NFASC: variants seen among roughly 807,000 people sequenced by gnomAD.
NFASC encodes neurofascin homolog.
In NFASC, 43 loss-of-function variants were observed where a neutral mutation model predicts 147.5. The observed-to-expected ratio is 0.29, with a 90% CI of 0.23 to 0.38. The LOEUF (loss-of-function observed/expected upper bound fraction) is 0.38. NFASC is among the 10% of genes least tolerant of loss of function. NFASC has a pLI of 1.00. For missense variants in NFASC, 1,320 were observed against 1,689.0 expected (o/e 0.78, Z 3.83); for synonymous variants, 622 against 665.5 (o/e 0.93, Z 1.01).
rs544686926 is a variant in NFASC, at chr1:205,014,941, C to T, written c.3492-1367C>T. ...CAGTGACTTCCGCTTCCTGCACAAACTCAGCACAGCCCCAGAGAGCTGCCT... is the reference window on the plus strand; with the variant it reads ...CAGTGACTTCCGCTTCCTGCACAAATTCAGCACAGCCCCAGAGAGCTGCCT... On this transcript the variant is annotated intron_variant, in intron 29 of 29. Coordinates refer to ENST00000339876, the MANE Select transcript of NFASC (RefSeq NM_001005388.3). Among the ~76,000 whole-genome samples, 6 of 152,288 alleles carry T rather than the reference C, an allele frequency of 3.9e-5. No individual in the cohort carries two copies. In the South Asian group the frequency reaches 1.2e-3, roughly 32 times the overall value.
intron 24 of NFASC, among the ~76,000 whole-genome samples, chr1:204,995,350 G>GTA (rs1553314755): frequency 4.2e-4 from 53 of 126,556 alleles, no homozygotes; most frequent in Middle Eastern, 3.8e-3. Context: ...GTGTGTGTGT[G>GTA]TGTATGTGTG....
chr1:204,934,901 A>T (rs1328559327), intron 2 of NFASC, among the ~76,000 whole-genome samples: 1 of 152,198 alleles, frequency 6.6e-6, no homozygotes, highest in African/African-American at 2.4e-5. Flanking sequence ...GGAGGATAGT[A>T]TGGGTGCTGG....
At chr1:204,841,240 C>T (rs908971270) in intron 1 of NFASC, among the ~76,000 whole-genome samples, 2 of 152,228 alleles carry the variant, frequency 1.3e-5, no homozygotes, top group African/African-American at 4.8e-5. Context: ...ATTCCCATTA[C>T]ACTGAGAAAA....
rs924823750 is a variant in NFASC, at chr1:205,021,282, G to A, written c.*4743G>A. On this transcript the variant is annotated 3_prime_UTR_variant, in exon 30 of 30. Coordinates refer to ENST00000339876, the MANE Select transcript of NFASC (RefSeq NM_001005388.3). ...TTCCTTACTAATAATGGGCCTTCCT[G>A]AGACACATTCAGAGAAGGATCAGAG... is the stretch of plus-strand genomic sequence containing the variant. 1 of 152,610 alleles carries A rather than the reference G, an allele frequency of 6.6e-6. No individual in the cohort carries two copies. The highest frequency in any genetic ancestry group is 1.5e-5 in the Non-Finnish European group (1 of 68,056). The allele number at this position is 152,610 out of a possible 1,614,324, so 9.5% of individuals were successfully genotyped here. A position where few individuals can be genotyped will look rare whatever the true frequency, so the allele number is the denominator to read the frequency against.
intron 1 of NFASC, among the ~76,000 whole-genome samples, chr1:204,905,205 C>G (rs993996257): frequency 6.6e-6 from 1 of 152,200 alleles, no homozygotes; most frequent in Non-Finnish European, 1.5e-5. Flanking sequence ...CTGCCTCAGC[C>G]TCCTGAGTAG....
intron 16 of NFASC, chr1:204,977,246 C>A: frequency 2.5e-6 from 1 of 392,610 alleles, no homozygotes; most frequent in Non-Finnish European, 3.7e-6. Context: ...ATGCTATGCA[C>A]TAAGCAAGAT....
intron 5 of NFASC, among the ~76,000 whole-genome samples, chr1:204,952,450 G>A (rs1366033349): frequency 6.8e-6 from 1 of 147,468 alleles, no homozygotes; most frequent in East Asian, 1.9e-4. Context: ...AAGCCAACTT[G>A]AGTCTTTCAT....
chr1:204,975,276 A>G lies in NFASC; in HGVS notation c.1564A>G (p.Thr522Ala), dbSNP rs1245601960. 1.2e-6 allele frequency: 2 copies of G among 1,611,970 alleles called. No individual in the cohort carries two copies. The highest frequency in any genetic ancestry group is 1.7e-6 in the Non-Finnish European group (2 of 1,178,828). Residue 522 changes from threonine to alanine, a missense_variant, in exon 15 of 30, where the codon ACC becomes GCC. Transcript: ENST00000339876. This position sits in a 1 kb window ranked among gnomAD's most constrained non-coding sequence, Gnocchi z 4.0. ...NQVRLEVKDP[T>A]RIYRMPEDQV... ...TGCTCTGGGCTTCTCCACAGACCCC[A>G]CCAGGATCTACCGGATGCCCGAGGA...
At chr1:204,859,090 A>G (rs2076440449) in intron 1 of NFASC, among the ~76,000 whole-genome samples, 1 of 149,698 alleles carries the variant, frequency 6.7e-6, no homozygotes, top group African/African-American at 2.5e-5. Context: ...CGATTCTCCT[A>G]CCTCAGTCTC....
chr1:204,882,311 C>G (rs2080416165), intron 1 of NFASC, among the ~76,000 whole-genome samples: 1 of 152,182 alleles, frequency 6.6e-6, no homozygotes. Flanking sequence ...CTGGCCCTCC[C>G]TACCCTGCCC....
chr1:204,969,498 C>CGT (rs1471409769), intron 10 of NFASC, among the ~76,000 whole-genome samples: 1 of 152,166 alleles, frequency 6.6e-6, no homozygotes, highest in Non-Finnish European at 1.5e-5. Context: ...GGGTCCCCAC[C>CGT]GTGTGTGGCA....
At chr1:204,957,317 T>C (rs1292348047) in intron 7 of NFASC, among the ~76,000 whole-genome samples, 1 of 152,228 alleles carries the variant, frequency 6.6e-6, no homozygotes, top group African/African-American at 2.4e-5. Flanking sequence ...TGAAGGTTTG[T>C]GTTCCTTCTG....
At chr1:204,893,346 A>G (rs2082759702) in intron 1 of NFASC, among the ~76,000 whole-genome samples, 1 of 152,230 alleles carries the variant, frequency 6.6e-6, no homozygotes, top group South Asian at 2.1e-4. Context: ...ATGCTTGGAC[A>G]TGAGAAATCA....
chr1:204,946,591 A>G (rs1430308075), intron 3 of NFASC: 9 of 464,496 alleles, frequency 1.9e-5, no homozygotes, highest in South Asian at 1.4e-4. Context: ...ACCGAAGATG[A>G]CAGGGGATGA....
chr1:204,841,738 C>G (rs1675430840), intron 1 of NFASC, among the ~76,000 whole-genome samples: 1 of 152,174 alleles, frequency 6.6e-6, no homozygotes, highest in South Asian at 2.1e-4. Context: ...CTTCCCTAAC[C>G]ATCTTACTTC....
chr1:204,973,848 C>T (rs537190995), intron 12 of NFASC, among the ~76,000 whole-genome samples: 1 of 152,050 alleles, frequency 6.6e-6, no homozygotes, highest in African/African-American at 2.4e-5. Flanking sequence ...ATTTGCTGTA[C>T]CCGCTGGGCA....
At chr1:204,978,634 G>A (rs1259380192) in intron 17 of NFASC, among the ~76,000 whole-genome samples, 4 of 152,202 alleles carry the variant, frequency 2.6e-5, no homozygotes, top group Admixed American at 6.5e-5. Flanking sequence ...GTCTGATGAC[G>A]GGTGGCATTC....
chr1:204,862,170 A>G (rs545898650), intron 1 of NFASC, among the ~76,000 whole-genome samples: 23 of 152,342 alleles, frequency 1.5e-4, no homozygotes, highest in African/African-American at 5.5e-4. Context: ...GACACTAAAC[A>G]GTATTCCCAA....
intron 2 of NFASC, among the ~76,000 whole-genome samples, chr1:204,941,841 C>T (rs1428401532): frequency 2.0e-5 from 3 of 151,980 alleles, no homozygotes; most frequent in Non-Finnish European, 4.4e-5. Context: ...TGTGTAGGGG[C>T]GGATTTTTTT....
Sources: allele counts gnomAD v4.1 joint callset (sites outside exome capture counted in the v4.1 genomes callset), GRCh38; gene constraint gnomAD v4.1.1; non-coding constraint Gnocchi (gnomAD v3.1); transcripts MANE v1.5; gene names NCBI Gene and HGNC (gene_info 2026-07-23, HGNC 2026-07-21).